The following VPS41 variants were observed in gnomAD, a reference collection of about 807,000 sequenced individuals.
VPS41 encodes the protein VPS41 subunit of HOPS complex.
Under a neutral mutation model 130.9 loss-of-function variants are expected in VPS41, and 85 were observed. The ratio of observed to expected loss-of-function variants is 0.65; its 90% CI spans 0.55 to 0.78. The LOEUF (loss-of-function observed/expected upper bound fraction) is 0.78, where lower values mean the gene tolerates loss of function less well. Ranked by LOEUF, VPS41 falls within the 30% of genes least tolerant of loss-of-function variation. The probability of loss-of-function intolerance (pLI) is 0.00; values close to 1 mark genes in which losing one functional copy is unlikely to be tolerated. For missense variants in VPS41, 874 were observed against 1,018.7 expected, an observed-to-expected ratio of 0.86 and a Z score of 1.93; for synonymous variants, 335 against 332.9, an observed-to-expected ratio of 1.01 and a Z score of -0.07.
chr7:38,839,473 A>T (rs971899991), intron 4 of VPS41, among the ~76,000 whole-genome samples: 1 of 152,130 alleles, frequency 6.6e-6, no homozygotes, highest in African/African-American at 2.4e-5. Context: ...CACAGGCTGG[A>T]GTGCAGTGGT....
intron 5 of VPS41, among the ~76,000 whole-genome samples, chr7:38,826,389 G>A (rs1160195082): frequency 6.6e-6 from 1 of 152,056 alleles, no homozygotes; most frequent in Non-Finnish European, 1.5e-5. Flanking sequence ...AGATTCAAAG[G>A]GAGAAAAACC....
chr7:38,746,348 G>A (rs1795984867), intron 22 of VPS41, among the ~76,000 whole-genome samples: 1 of 151,956 alleles, frequency 6.6e-6, no homozygotes, highest in Admixed American at 6.6e-5. Context: ...TGTGCTGGGT[G>A]CTAGAGGGTC....
At chr7:38,736,445 A>C (rs1795768826) in intron 25 of VPS41, among the ~76,000 whole-genome samples, 2 of 152,378 alleles carry the variant, frequency 1.3e-5, no homozygotes, top group Non-Finnish European at 1.5e-5. Context: ...GCCTTACCAA[A>C]GTCTCAATAG....
intron 7 of VPS41, among the ~76,000 whole-genome samples, chr7:38,817,294 A>G (rs988361922): frequency 2.6e-5 from 4 of 152,166 alleles, no homozygotes; most frequent in African/African-American, 4.8e-5. Flanking sequence ...TTCTTGTCCT[A>G]TATCTACTTC....
intron 7 of VPS41, among the ~76,000 whole-genome samples, chr7:38,803,878 G>C (rs1036303381): frequency 1.3e-5 from 2 of 152,216 alleles, no homozygotes; most frequent in Non-Finnish European, 2.9e-5. Flanking sequence ...CAAACACGCA[G>C]CTTCTCTAAA....
At chr7:38,842,073 T>G (rs947218958) in intron 4 of VPS41, among the ~76,000 whole-genome samples, 3 of 152,204 alleles carry the variant, frequency 2.0e-5, no homozygotes, top group African/African-American at 7.2e-5. Context: ...AACCAGTGCC[T>G]TCTTCTGTAT....
chr7:38,857,916 G>A (rs552613688), intron 4 of VPS41, among the ~76,000 whole-genome samples: 95 of 152,298 alleles, frequency 6.2e-4, no homozygotes, highest in Non-Finnish European at 1.2e-3. Context: ...AAGAGGGATG[G>A]TTTACAGGTC....
chr7:38,742,069 T>C lies in VPS41; in HGVS notation c.2175A>G (p.Leu725=), dbSNP rs768767497. ...NNIGTHVDPI[L]LIHRIKEGME... is the part of the protein sequence containing the mutation. ...TTCCTTCCTTAATACGGTGAATCAGTAGAATTGGGTCAACATGTGTGCCAA... is the reference window on the plus strand; with the variant it reads ...TTCCTTCCTTAATACGGTGAATCAGCAGAATTGGGTCAACATGTGTGCCAA... Residue 725 remains leucine, a synonymous_variant, in exon 25 of 29, where the codon CTA becomes CTG. Transcript: ENST00000310301. 4.3e-6 allele frequency: 7 copies of C among 1,613,188 alleles called. No homozygotes were observed. In the Admixed American group the frequency reaches 5.0e-5, roughly 12 times the overall value.
At chr7:38,768,802 C>T (rs555872573) in intron 14 of VPS41, among the ~76,000 whole-genome samples, 17 of 152,266 alleles carry the variant, frequency 1.1e-4, no homozygotes, top group African/African-American at 4.1e-4. Flanking sequence ...TGCACTCCTC[C>T]TCTTCCTTTT....
At chr7:38,899,514 C>T (rs1787095954) in intron 1 of VPS41, among the ~76,000 whole-genome samples, 1 of 152,254 alleles carries the variant, frequency 6.6e-6, no homozygotes, top group South Asian at 2.1e-4. Flanking sequence ...AGTCCTCTTA[C>T]TGTACTGATC....
At chr7:38,801,332 AG>A (rs1326428041) in intron 7 of VPS41, among the ~76,000 whole-genome samples, 2 of 152,210 alleles carry the variant, frequency 1.3e-5, no homozygotes, top group Non-Finnish European at 2.9e-5. Context: ...TCAAAAATGG[AG>A]GGGGGCTAAA....
At chr7:38,813,779 A>C (rs1292151624) in intron 7 of VPS41, among the ~76,000 whole-genome samples, 1 of 152,230 alleles carries the variant, frequency 6.6e-6, no homozygotes, top group East Asian at 1.9e-4. Context: ...TCACCAGATG[A>C]CCTTAACTGT....
At chr7:38,824,765 T>C (rs1323680123) in intron 5 of VPS41, among the ~76,000 whole-genome samples, 1 of 152,210 alleles carries the variant, frequency 6.6e-6, no homozygotes, top group Non-Finnish European at 1.5e-5. Flanking sequence ...TGAAGCTGAT[T>C]ATTCATTCAA....
intron 7 of VPS41, among the ~76,000 whole-genome samples, chr7:38,801,724 T>C (rs959496651): frequency 2.0e-4 from 31 of 152,212 alleles, no homozygotes; most frequent in African/African-American, 5.1e-4. Context: ...AACCAGTGCA[T>C]TGGGGAAAAG....
intron 2 of VPS41, among the ~76,000 whole-genome samples, chr7:38,891,988 G>A (rs1310871919): frequency 6.6e-6 from 1 of 151,514 alleles, no homozygotes; most frequent in Non-Finnish European, 1.5e-5. Context: ...TATATTTTGA[G>A]GTATAACAGG....
chr7:38,760,491 G>A (rs1042281975), intron 17 of VPS41, among the ~76,000 whole-genome samples: 3 of 152,066 alleles, frequency 2.0e-5, no homozygotes, highest in Admixed American at 2.0e-4. Context: ...CATGTAAAAC[G>A]TAGATTTCCT....
In VPS41 at chr7:38,880,852, G is replaced by A. The variant is rs978785423; in HGVS notation, c.61-11599C>T. Among the ~76,000 whole-genome samples the A allele has an allele frequency of 5.9e-5, 9 of 152,136 alleles. No individual in the cohort carries two copies. The South Asian group carries it at 1.7e-3, about 28-fold the overall frequency. ...TCAGGCCCTAATTGTCAAGTGAAAT[G>A]ATCATTTAAACACACTCTTGAACAA... is the stretch of plus-strand genomic sequence containing the variant. On this transcript the variant is annotated intron_variant, in intron 2 of 28. Transcript: ENST00000310301.
At chr7:38,807,165 C>A (rs1170054315) in intron 7 of VPS41, among the ~76,000 whole-genome samples, 1 of 152,190 alleles carries the variant, frequency 6.6e-6, no homozygotes, top group Non-Finnish European at 1.5e-5. Context: ...AGCATCCAAT[C>A]TAGAGCAAAG....
At position 38,758,329 on chromosome 7, in the gene VPS41, A is replaced by G. The variant is rs750729588; in HGVS notation, c.1550+25T>C. 5.0e-6 allele frequency: 8 copies of G among 1,584,652 alleles called. No homozygotes were observed. In the Admixed American group the frequency reaches 1.5e-4, roughly 30 times the overall value. Reference sequence around the variant, plus strand: ...ACTTTTCAACACAGACTGATATGGAAAAAGAAACACTTAAGTATACTCACA... The same window carrying G: ...ACTTTTCAACACAGACTGATATGGAGAAAGAAACACTTAAGTATACTCACA... On this transcript the variant is annotated intron_variant, in intron 18 of 28. Transcript: ENST00000310301.
Sources: allele counts gnomAD v4.1 joint callset (sites outside exome capture counted in the v4.1 genomes callset), GRCh38; gene constraint gnomAD v4.1.1; transcripts MANE v1.5; gene names NCBI Gene and HGNC (gene_info 2026-07-23, HGNC 2026-07-21).